LHX8: variants seen among roughly 807,000 people sequenced by gnomAD.
The protein encoded by LHX8 is LIM/homeobox protein Lhx8.
A neutral mutation model predicts 40.3 loss-of-function variants in LHX8; 12 were observed. The ratio of observed to expected loss-of-function variants is 0.30; its 90% CI spans 0.19 to 0.48. LHX8 has a LOEUF of 0.48. Ranked by LOEUF, LHX8 falls within the 20% of genes least tolerant of loss-of-function variation. LHX8 has a pLI of 0.99. For synonymous variants in LHX8, 179 were observed against 162.0 expected (o/e 1.10, Z -0.80); for missense variants, 344 against 433.7 (o/e 0.79, Z 1.84).
the LHX8 span, among the ~76,000 whole-genome samples, chr1:75,181,848 T>G: frequency 1.3e-5 from 2 of 151,942 alleles, no homozygotes; most frequent in Admixed American, 6.6e-5. Context: ...CCCCATTTTG[T>G]TTTTTTTCTT....
chr1:75,189,101 T>G, the LHX8 span, among the ~76,000 whole-genome samples: 1 of 152,202 alleles, frequency 6.6e-6, no homozygotes, highest in Non-Finnish European at 1.5e-5. Context: ...AGAGATGGTA[T>G]CAGATAGCAT....
chr1:75,182,162 A>G, the LHX8 span, among the ~76,000 whole-genome samples: 49 of 152,078 alleles, frequency 3.2e-4, no homozygotes, highest in Non-Finnish European at 6.5e-4. Flanking sequence ...GTCCATCATC[A>G]GTTGATTTTT....
the LHX8 span, among the ~76,000 whole-genome samples, chr1:75,190,923 GAA>G: frequency 6.6e-6 from 1 of 152,074 alleles, no homozygotes; most frequent in African/African-American, 2.4e-5. Flanking sequence ...TTTAAAAAAA[GAA>G]AAGATTATGG....
rs1648065179 is a variant in LHX8, at chr1:75,134,570, A to T, written c.-397A>T. 6.6e-6 allele frequency among the ~76,000 whole-genome samples: 1 copy of T among 152,034 alleles called. No individual in the cohort carries two copies. Among genetic ancestry groups the T allele is most frequent in the Non-Finnish European group, 1.5e-5 (1 of 68,008 alleles). Reference sequence around the variant, plus strand: ...AGGGGGGAGATCGGCAGACACGGACAGCCTCTGACCCTCTGGAGTTGGTAT... The same window carrying T: ...AGGGGGGAGATCGGCAGACACGGACTGCCTCTGACCCTCTGGAGTTGGTAT... On this transcript the variant is annotated 5_prime_UTR_variant, in exon 1 of 9. Coordinates refer to ENST00000356261, the MANE Select transcript of LHX8 (RefSeq NM_001256114.2).
the LHX8 span, among the ~76,000 whole-genome samples, chr1:75,169,883 G>A: frequency 2.0e-5 from 3 of 152,206 alleles, no homozygotes; most frequent in Non-Finnish European, 4.4e-5. Flanking sequence ...TGTGGAGGGG[G>A]AACTCCTGGT....
chr1:75,158,753 G>T (rs1226234943), intron 8 of LHX8, among the ~76,000 whole-genome samples: 2 of 152,024 alleles, frequency 1.3e-5, no homozygotes, highest in African/African-American at 2.4e-5. Flanking sequence ...ATCATGGTAG[G>T]TCTATAATTT....
At chr1:75,137,945 T>C (rs12036667) in intron 3 of LHX8, among the ~76,000 whole-genome samples, 31,797 of 152,240 alleles carry the variant, frequency 0.21, 4,521 homozygotes, top group East Asian at 0.76. Flanking sequence ...CACTCAATGC[T>C]GTTGTTACAT....
chr1:75,171,415 T>TTTATTATTA, the LHX8 span, among the ~76,000 whole-genome samples: 6 of 150,162 alleles, frequency 4.0e-5, no homozygotes, highest in African/African-American at 1.5e-4. Context: ...GGGCCAAATT[T>TTTATTATTA]TTATTATTAT....
At chr1:75,197,839 G>A in the LHX8 span, among the ~76,000 whole-genome samples, 1 of 152,160 alleles carries the variant, frequency 6.6e-6, no homozygotes, top group Non-Finnish European at 1.5e-5. Context: ...ACAAACTCAT[G>A]GAACAGGGGC....
chr1:75,168,197 C>T, the LHX8 span, among the ~76,000 whole-genome samples: 4 of 152,242 alleles, frequency 2.6e-5, no homozygotes, highest in East Asian at 1.9e-4. Context: ...CCAGAATGGT[C>T]GGATAGGTAT....
At position 75,134,913 on chromosome 1, in the gene LHX8, T is replaced by C; in HGVS notation, c.-54T>C. 1 of 985,314 alleles carries C rather than the reference T, an allele frequency of 1.0e-6. No individual in the cohort carries two copies. The highest frequency in any genetic ancestry group is 1.2e-6 in the Non-Finnish European group (1 of 829,930). The allele number at this position is 985,314 out of a possible 1,614,324, so 61.0% of individuals were successfully genotyped here. On this transcript the variant is annotated 5_prime_UTR_variant, in exon 1 of 9. Transcript: ENST00000356261. ...TAACCTGAGACATGGAGACTGTAAT[T>C]TGGGAGATGAAGCCTCGAGCCTAAG...
chr1:75,193,510 C>G, the LHX8 span, among the ~76,000 whole-genome samples: 17,740 of 152,208 alleles, frequency 0.12, 1,719 homozygotes, highest in African/African-American at 0.26. Flanking sequence ...ACACGTTGAA[C>G]AGCAAGGCAC....
intron 7 of LHX8, 34 bp from the exon 8 acceptor site, chr1:75,156,859 C>A: frequency 6.2e-7 from 1 of 1,610,218 alleles, no homozygotes. Context: ...TGGTGTGTAA[C>A]CTACCTACTT....
downstream of LHX8, among the ~76,000 whole-genome samples, chr1:75,163,906 G>T (rs1033683492): frequency 1.1e-4 from 16 of 152,128 alleles, no homozygotes; most frequent in African/African-American, 3.9e-4. Flanking sequence ...TGCCCCTTTG[G>T]CCTTCAGCCA....
the LHX8 span, among the ~76,000 whole-genome samples, chr1:75,176,511 A>T: frequency 2.0e-5 from 3 of 151,982 alleles, no homozygotes; most frequent in Non-Finnish European, 4.4e-5. Flanking sequence ...CCACTTTTTG[A>T]TGGGGTCCTT....
upstream of LHX8, chr1:75,131,107 C>T: frequency 2.8e-6 from 1 of 352,384 alleles, no homozygotes; most frequent in Non-Finnish European, 5.4e-6. Flanking sequence ...CGCCTGCAGG[C>T]CGCCCGGGAG....
chr1:75,177,295 C>G, the LHX8 span, among the ~76,000 whole-genome samples: 1 of 152,130 alleles, frequency 6.6e-6, no homozygotes, highest in East Asian at 1.9e-4. Context: ...ATTGATTCTT[C>G]CTATCCATGA....
At chr1:75,130,698 G>A (rs754755758), upstream of LHX8, 4 of 1,613,466 alleles carry the variant, frequency 2.5e-6, no homozygotes, top group African/African-American at 2.7e-5. Flanking sequence ...ATACAGCTCT[G>A]CCATCTCTGA....
At chr1:75,167,553 C>T in the LHX8 span, among the ~76,000 whole-genome samples, 57 of 152,150 alleles carry the variant, frequency 3.7e-4, no homozygotes, top group African/African-American at 1.3e-3. Context: ...GGAAGCCTGC[C>T]CTGATTGTTC....
Sources: allele counts gnomAD v4.1 joint callset (sites outside exome capture counted in the v4.1 genomes callset), GRCh38; gene constraint gnomAD v4.1.1; transcripts MANE v1.5; gene names NCBI Gene and HGNC (gene_info 2026-07-23, HGNC 2026-07-21).